The following FAT2 variants were observed in gnomAD, a reference collection of about 807,000 sequenced individuals.
FAT2 encodes the protein protocadherin Fat 2.
A neutral mutation model predicts 295.3 loss-of-function variants in FAT2; 150 were observed. The ratio of observed to expected loss-of-function variants is 0.51; its 90% confidence interval spans 0.44 to 0.58. The LOEUF (loss-of-function observed/expected upper bound fraction) is 0.58, where lower values mean the gene tolerates loss of function less well. Ranked by LOEUF, FAT2 falls within the 20% of genes least tolerant of loss-of-function variation. The pLI is 0.00. For missense variants in FAT2, 4,868 were observed against 5,442.7 expected, an observed-to-expected ratio of 0.89 and a Z score of 3.32; for synonymous variants, 2,026 against 2,150.3, an observed-to-expected ratio of 0.94 and a Z score of 1.60.
rs1419935338 is a variant in FAT2, at chr5:151,511,960, A to AAGAT, written c.11905+201_11905+204dup. 39 of 588,234 alleles carry AAGAT rather than the reference A, an allele frequency of 6.6e-5. No individual in the cohort carries two copies. In the East Asian group the frequency reaches 1.1e-3, roughly 16 times the overall value. 36.4% of individuals were successfully genotyped at this position (588,234 alleles called of 1,614,324 possible). On this transcript the variant is annotated intron_variant, in intron 21 of 23. Transcript: ENST00000261800. The stretch of plus-strand genomic sequence containing the variant: ...CCTCCCTCATCCCCCCAGAAGTAGA[A>AAGAT]AGATAGTTTTTGTTGAGAGGGAAGG...
chr5:151,526,281 G>A (rs1250506320), intron 17 of FAT2, among the ~76,000 whole-genome samples: 2 of 152,204 alleles, frequency 1.3e-5, no homozygotes, highest in Admixed American at 1.3e-4. Context: ...ATCACACACT[G>A]CTGAATCATG....
chr5:151,563,550 G>T lies in FAT2; in HGVS notation c.3349C>A (p.Leu1117Ile), dbSNP rs2127642202. 1 of 1,614,162 alleles carries T rather than the reference G, an allele frequency of 6.2e-7. No homozygotes were observed. The highest frequency in any genetic ancestry group is 1.1e-5 in the South Asian group (1 of 91,082). Reference sequence around the variant, plus strand: ...ATGTAGACTTCAGTTACAGAAGAGAGGGGCACAGAACCCCTGTCCACTGCT... The same window carrying T: ...ATGTAGACTTCAGTTACAGAAGAGATGGGCACAGAACCCCTGTCCACTGCT... The part of the protein sequence containing the change: ...VLAVDRGSVP[L>I]SSVTEVYIEV... The change falls in exon 3 of 24, where the codon CTC becomes ATC. Residue 1117 changes from leucine to isoleucine, a missense_variant. Around this residue, in one of 5 missense-constraint regions of FAT2, gnomAD observed 3,297 missense variants for 3,669.4 expected, o/e 0.90. Coordinates refer to ENST00000261800, the MANE Select transcript of FAT2 (RefSeq NM_001447.3).
intron 17 of FAT2, among the ~76,000 whole-genome samples, chr5:151,526,663 C>T (rs1754012216): frequency 6.6e-6 from 1 of 152,154 alleles, no homozygotes; most frequent in Admixed American, 6.5e-5. Context: ...TATTTTTAGT[C>T]AGGTAACTTA....
At chr5:151,560,478 G>A (rs1014882068) in intron 3 of FAT2, among the ~76,000 whole-genome samples, 7 of 152,070 alleles carry the variant, frequency 4.6e-5, no homozygotes, top group Non-Finnish European at 7.4e-5. Context: ...CACCTGTGTC[G>A]TCACCCTCGC....
chr5:151,535,842 G>A (rs957134619), intron 12 of FAT2, among the ~76,000 whole-genome samples: 5 of 152,082 alleles, frequency 3.3e-5, no homozygotes, highest in African/African-American at 1.2e-4. Context: ...AGGGGTCTCC[G>A]CTGCTTGTTG....
rs367884717 is a variant in FAT2 at position 151,546,108 on chromosome 5, G to A, written c.5019C>T (p.Ile1673=). The A allele has an allele frequency of 3.5e-5, 56 of 1,614,140 alleles. No individual in the cohort carries two copies. The Middle Eastern group carries it at 9.9e-4, about 29-fold the overall frequency. ...CAAGGAGGATTGGGGAACCAACAGG[G>A]ATTGATTCAGGGATCTCTACAAAGT... ...SEYFVEIPES[I]PVGSPILLVS... The change falls in exon 10 of 24, where the codon ATC becomes ATT. Residue 1673 remains isoleucine (I), a synonymous_variant. Transcript: ENST00000261800.
At chr5:151,552,268 G>A (rs1032929755) in intron 6 of FAT2, among the ~76,000 whole-genome samples, 9 of 152,042 alleles carry the variant, frequency 5.9e-5, no homozygotes, top group Non-Finnish European at 8.8e-5. Context: ...TTACAGGTGC[G>A]AGCCACTGTG....
rs760546809 is a variant in FAT2, at chr5:151,505,560, G to C, written c.*5C>G. ...TCCCGCCTGCCTTGCTCTGGGAATG[G>C]GAAGCTAGAACATGACCTCCTCACA... On this transcript the variant is annotated 3_prime_UTR_variant, in exon 24 of 24. Transcript: ENST00000261800. 1.2e-6 allele frequency: 2 copies of C among 1,614,044 alleles called. No individual in the cohort carries two copies. Among genetic ancestry groups the C allele is most frequent in the Non-Finnish European group, 1.7e-6 (2 of 1,179,996 alleles).
upstream of FAT2, among the ~76,000 whole-genome samples, chr5:151,594,338 G>T (rs1448791668): frequency 6.6e-6 from 1 of 152,082 alleles, no homozygotes; most frequent in Non-Finnish European, 1.5e-5. Context: ...AGTTCCTCAG[G>T]GATGGGTCTA....
chr5:151,571,881 C>G (rs1294656168), intron 1 of FAT2, among the ~76,000 whole-genome samples: 2 of 152,210 alleles, frequency 1.3e-5, no homozygotes, highest in African/African-American at 4.8e-5. Flanking sequence ...AAAATAGAAA[C>G]TCCTTGCCCT....
At chr5:151,560,543 C>T (rs12055366) in intron 3 of FAT2, among the ~76,000 whole-genome samples, 1 of 152,170 alleles carries the variant, frequency 6.6e-6, no homozygotes, top group South Asian at 2.1e-4. Context: ...TCCAGCTCAG[C>T]ATAACCACCC....
At chr5:151,524,097 C>T (rs1423337176) in intron 18 of FAT2, among the ~76,000 whole-genome samples, 1 of 152,122 alleles carries the variant, frequency 6.6e-6, no homozygotes, top group Admixed American at 6.5e-5. Flanking sequence ...CACTGGTCTC[C>T]CTCACCCACT....
intron 1 of FAT2, among the ~76,000 whole-genome samples, chr5:151,579,822 A>G (rs1758876349): frequency 6.6e-6 from 1 of 152,174 alleles, no homozygotes; most frequent in South Asian, 2.1e-4. Context: ...CCTGTTAAAC[A>G]TTCAGCACAT....
intron 12 of FAT2, among the ~76,000 whole-genome samples, 197 bp downstream of exon 12, chr5:151,537,596 G>A (rs1755580900): frequency 6.6e-6 from 1 of 152,174 alleles, no homozygotes; most frequent in African/African-American, 2.4e-5. Context: ...TTTCCCACTA[G>A]ATTATAAAGG....
At chr5:151,529,048 G>A in intron 15 of FAT2, 130 bp downstream of exon 15, 1 of 740,226 alleles carries the variant, frequency 1.4e-6, no homozygotes, top group Non-Finnish European at 2.2e-6. Context: ...CCTCTGACAA[G>A]TCAGAGTCAA....
chr5:151,522,168 G>A, intron 18 of FAT2, 82 bp from the exon 19 acceptor site: 1 of 1,169,616 alleles, frequency 8.5e-7, no homozygotes, highest in Non-Finnish European at 1.2e-6. Flanking sequence ...TCCTTGTGGA[G>A]CTACGTTTCT....
Position 151,568,502 on chromosome 5 carries a change from G to A in FAT2, c.430C>T (p.Leu144=). 1 of 1,614,160 alleles carries A rather than the reference G, an allele frequency of 6.2e-7. No individual in the cohort carries two copies. The highest frequency in any genetic ancestry group is 1.1e-5 in the South Asian group (1 of 91,070). Residue 144 remains leucine, a synonymous_variant, in exon 2 of 24, where the codon CTG becomes TTG. Transcript: ENST00000261800. ...VVVHILDQND[L]KPLFSPPSYR... Reference sequence around the variant, plus strand: ...GAAGGTGGAGAGAAGAGAGGCTTCAGGTCATTCTGGTCCAGGATGTGGACC... The same window carrying A: ...GAAGGTGGAGAGAAGAGAGGCTTCAAGTCATTCTGGTCCAGGATGTGGACC...
At chr5:151,577,818 T>C (rs1052849007) in intron 1 of FAT2, among the ~76,000 whole-genome samples, 1 of 152,070 alleles carries the variant, frequency 6.6e-6, no homozygotes, top group Non-Finnish European at 1.5e-5. Flanking sequence ...CTTAGGGTTG[T>C]CTGTACGGAT....
chr5:151,525,730 C>T (rs1285215729), intron 18 of FAT2, 38 bp downstream of exon 18: 1 of 1,610,448 alleles, frequency 6.2e-7, no homozygotes, highest in Non-Finnish European at 8.5e-7. Flanking sequence ...TCTTTACTGT[C>T]CCCATGGTCA....
Sources: gnomAD v4.1 joint callset for allele counts (sites outside exome capture counted in the v4.1 genomes callset) on GRCh38, gnomAD v4.1.1 for gene constraint, gnomAD v4.1.1 regional missense constraint, MANE v1.5 for transcripts, NCBI Gene and HGNC (gene_info 2026-07-23, HGNC 2026-07-21) for gene names.